ZFAT: variants seen among roughly 807,000 people sequenced by gnomAD.
The protein encoded by ZFAT is zinc finger and AT-hook domain containing.
ZFAT carries 64 observed loss-of-function variants against 117.7 expected under a neutral mutation model. The observed-to-expected ratio is 0.54, with a 90% CI of 0.44 to 0.67. ZFAT has a LOEUF of 0.67. Among genes scored for constraint, ZFAT ranks in the 30% least tolerant of loss-of-function variants. The pLI is 0.00. For missense variants in ZFAT, 1,433 were observed against 1,584.5 expected (o/e 0.90, Z 1.62); for synonymous variants, 679 against 615.0 (o/e 1.10, Z -1.54).
At chr8:134,515,934 T>C (rs1820220986) in intron 13 of ZFAT, among the ~76,000 whole-genome samples, 1 of 152,236 alleles carries the variant, frequency 6.6e-6, no homozygotes, top group African/African-American at 2.4e-5. Context: ...TCAAAAACTT[T>C]ACAATAAATC....
At chr8:134,805,728 T>A in the ZFAT span, among the ~76,000 whole-genome samples, 1 of 152,146 alleles carries the variant, frequency 6.6e-6, no homozygotes, top group Non-Finnish European at 1.5e-5. Flanking sequence ...ATCACAGCAC[T>A]TTGGGAGGCC....
Position 134,520,919 on chromosome 8 carries a change from C to A in ZFAT, c.3198G>T (p.Leu1066Phe). Residue 1066 changes from leucine to phenylalanine, a missense_variant, in exon 13 of 16, where the codon TTG becomes TTT. Around this residue, in one of 5 missense-constraint regions of ZFAT, gnomAD observed 503 missense variants for 543.4 expected, o/e 0.93. Coordinates refer to ENST00000377838, the MANE Select transcript of ZFAT (RefSeq NM_020863.4). ...GGTCTCCATCAATTTCCACCACCTT[C>A]AAGCCATGTTTGTTCTTCAAGTGCC... ...FNRHLKNKHG[L>F]KVVEIDGDPK... The A allele has an allele frequency of 6.2e-7, 1 of 1,613,922 alleles. No individual in the cohort carries two copies. The highest frequency in any genetic ancestry group is 8.5e-7 in the Non-Finnish European group (1 of 1,179,842).
At position 134,696,608 on chromosome 8, in the gene ZFAT, C is replaced by G. The variant is rs568027224; in HGVS notation, c.19+16237G>C. The G allele has an allele frequency of 5.1e-6, 5 of 986,242 alleles. No individual in the cohort carries two copies. The East Asian group carries it at 3.4e-4, about 67-fold the overall frequency. The allele number at this position is 986,242 out of a possible 1,614,324, so 61.1% of individuals were successfully genotyped here. A position where few individuals can be genotyped will look rare whatever the true frequency, so the allele number is the denominator to read the frequency against. ...ATCCCTGGCTGGCACCACCCACCCG[C>G]GCTTCTCTCCAATACAGCCACAGCC... On this transcript the variant is annotated intron_variant, in intron 1 of 15. Coordinates refer to ENST00000377838, the MANE Select transcript of ZFAT (RefSeq NM_020863.4).
At chr8:134,708,012 T>TA (rs34559255) in intron 1 of ZFAT, among the ~76,000 whole-genome samples, 20,137 of 152,178 alleles carry the variant, frequency 0.13, 1,433 homozygotes, top group Non-Finnish European at 0.16. Context: ...TATTCAGCTG[T>TA]AAAAAAGAAA....
the ZFAT span, among the ~76,000 whole-genome samples, chr8:134,806,452 T>C: frequency 6.6e-6 from 1 of 152,226 alleles, no homozygotes; most frequent in Non-Finnish European, 1.5e-5. Flanking sequence ...ACAACAACTA[T>C]TCAAACTGTA....
intron 11 of ZFAT, among the ~76,000 whole-genome samples, chr8:134,554,558 AGAG>A (rs1222745163): frequency 1.3e-5 from 2 of 152,184 alleles, no homozygotes; most frequent in Non-Finnish European, 2.9e-5. Context: ...CAGAGATGAA[AGAG>A]GAGAGGAAAG....
At chr8:134,625,562 G>A (rs777842174) in intron 3 of ZFAT, among the ~76,000 whole-genome samples, 4 of 152,164 alleles carry the variant, frequency 2.6e-5, no homozygotes. Context: ...TTACATCACT[G>A]TCCTCCTCCC....
At chr8:134,800,079 G>C in the ZFAT span, among the ~76,000 whole-genome samples, 3 of 152,134 alleles carry the variant, frequency 2.0e-5, no homozygotes, top group African/African-American at 4.8e-5. Flanking sequence ...ACAAATGTCT[G>C]ATGTCAAAGC....
the ZFAT span, among the ~76,000 whole-genome samples, chr8:134,828,358 A>G: frequency 1.4e-4 from 22 of 152,354 alleles, no homozygotes; most frequent in South Asian, 4.4e-3. Context: ...CATATTCAGT[A>G]TTAAAATAAT....
the ZFAT span, among the ~76,000 whole-genome samples, chr8:134,820,658 T>C: frequency 6.6e-6 from 1 of 152,232 alleles, no homozygotes; most frequent in Admixed American, 6.5e-5. Flanking sequence ...GAAAAATATC[T>C]GCTCAAACAT....
intron 12 of ZFAT, among the ~76,000 whole-genome samples, chr8:134,523,754 G>A (rs1428427714): frequency 6.6e-6 from 1 of 152,016 alleles, no homozygotes. Context: ...TAACTGCTGT[G>A]CCTCCTGGTT....
At chr8:134,497,479 C>A (rs1262857957) in intron 15 of ZFAT, among the ~76,000 whole-genome samples, 3 of 134,256 alleles carry the variant, frequency 2.2e-5, no homozygotes, top group Non-Finnish European at 3.2e-5. Context: ...ACACACAGAG[C>A]CTGATTTGGT....
intron 1 of ZFAT, among the ~76,000 whole-genome samples, chr8:134,697,384 T>C (rs1056199273): frequency 1.4e-4 from 21 of 150,664 alleles, no homozygotes; most frequent in South Asian, 4.2e-4. Context: ...AGTGCTGGGA[T>C]TACAGGTGTG....
chr8:134,713,307 G>A (rs189541964), upstream of ZFAT, among the ~76,000 whole-genome samples: 269 of 152,370 alleles, frequency 1.8e-3, 2 homozygotes, highest in African/African-American at 6.0e-3. Flanking sequence ...CCCTAGACCC[G>A]CGGCATGTGG....
chr8:134,486,508 C>T (rs989998644), intron 15 of ZFAT, among the ~76,000 whole-genome samples: 10 of 152,180 alleles, frequency 6.6e-5, no homozygotes, highest in Non-Finnish European at 1.5e-5. Context: ...GAACAGCCCT[C>T]TCGTAGATGT....
chr8:134,643,802 T>C (rs1440035792), intron 2 of ZFAT, among the ~76,000 whole-genome samples: 1 of 152,190 alleles, frequency 6.6e-6, no homozygotes, highest in Non-Finnish European at 1.5e-5. Context: ...CCTTTTGTAA[T>C]CTGCACAAAG....
At chr8:134,733,213 G>A in the ZFAT span, among the ~76,000 whole-genome samples, 1 of 152,116 alleles carries the variant, frequency 6.6e-6, no homozygotes, top group African/African-American at 2.4e-5. Context: ...TCTGGTCTGG[G>A]AACATAGGGC....
intron 1 of ZFAT, among the ~76,000 whole-genome samples, chr8:134,673,911 G>A (rs546994309): frequency 1.3e-4 from 20 of 152,294 alleles, no homozygotes; most frequent in African/African-American, 4.6e-4. Context: ...TCAAGAGTTC[G>A]AGACCAGCCT....
rs141066159 is a variant in ZFAT at position 134,629,306 on chromosome 8, G to C, written c.448+8155C>G. Among the ~76,000 whole-genome samples the C allele has an allele frequency of 1.4e-4, 21 of 152,230 alleles. No homozygotes were observed. In the East Asian group the frequency reaches 3.7e-3, roughly 27 times the overall value. On this transcript the variant is annotated intron_variant, in intron 3 of 15. Coordinates refer to ENST00000377838, the MANE Select transcript of ZFAT (RefSeq NM_020863.4). Reference sequence around the variant, plus strand: ...TGAAACATGGGCAAGGAAGATATTTGCAAGACATGAGAACACAGCTGGTGG... The same window carrying C: ...TGAAACATGGGCAAGGAAGATATTTCCAAGACATGAGAACACAGCTGGTGG...
Sources: allele counts gnomAD v4.1 joint callset (sites outside exome capture counted in the v4.1 genomes callset), GRCh38; gene constraint gnomAD v4.1.1; regional missense constraint gnomAD v4.1.1; transcripts MANE v1.5; gene names NCBI Gene and HGNC (gene_info 2026-07-23, HGNC 2026-07-21).